MMP26: variants seen among roughly 807,000 people sequenced by gnomAD.
The protein encoded by MMP26 is matrix metallopeptidase 26, also known as matrix metalloproteinase-26.
A neutral mutation model predicts 31.0 loss-of-function variants in MMP26; 33 were observed. The observed-to-expected ratio is 1.06, with a 90% confidence interval of 0.81 to 1.42. The LOEUF is 1.42. Ranked by LOEUF, MMP26 falls within the 40% of genes most tolerant of loss-of-function variation. The pLI is 0.00. For synonymous variants in MMP26, 122 were observed against 114.9 expected, an observed-to-expected ratio of 1.06 and a Z score of -0.40; for missense variants, 347 against 316.1, an observed-to-expected ratio of 1.10 and a Z score of -0.74.
chr11:4,980,821 G>C (rs1846802879), intron 2 of MMP26, among the ~76,000 whole-genome samples: 1 of 151,972 alleles, frequency 6.6e-6, no homozygotes, highest in Admixed American at 6.6e-5. Flanking sequence ...CCTAAGTGAA[G>C]GGTGAAGAAA....
At chr11:4,758,466 G>GAAAAAAAAAAA (rs376347621) in intron 1 of MMP26, among the ~76,000 whole-genome samples, 2 of 93,344 alleles carry the variant, frequency 2.1e-5, no homozygotes, top group Non-Finnish European at 4.6e-5. Flanking sequence ...CATCCATTTG[G>GAAAAAAAAAAA]AAAAAAAAAA....
intron 2 of MMP26, among the ~76,000 whole-genome samples, chr11:4,857,809 C>A (rs1010350017): frequency 6.6e-6 from 1 of 152,106 alleles, no homozygotes; most frequent in African/African-American, 2.4e-5. Flanking sequence ...TGATGAACAT[C>A]AATGCAAAAA....
intron 1 of MMP26, among the ~76,000 whole-genome samples, chr11:4,732,541 CAAA>C (rs56079183): frequency 2.1e-5 from 2 of 94,672 alleles, no homozygotes; most frequent in Admixed American, 1.1e-4. Flanking sequence ...AGACTCGTCT[CAAA>C]AAAAAAAAAA....
At chr11:4,921,708 T>G (rs904087414) in intron 2 of MMP26, among the ~76,000 whole-genome samples, 1 of 152,244 alleles carries the variant, frequency 6.6e-6, no homozygotes, top group African/African-American at 2.4e-5. Flanking sequence ...TATGTATTCA[T>G]GATCATATGC....
At chr11:4,745,704 G>A (rs1300087832) in intron 1 of MMP26, among the ~76,000 whole-genome samples, 1 of 152,136 alleles carries the variant, frequency 6.6e-6, no homozygotes, top group Non-Finnish European at 1.5e-5. Context: ...ACCTTCCATT[G>A]TAGTGTCATG....
intron 2 of MMP26, among the ~76,000 whole-genome samples, chr11:4,808,659 C>A (rs1849309868): frequency 6.6e-6 from 1 of 151,986 alleles, no homozygotes; most frequent in Admixed American, 6.6e-5. Flanking sequence ...ACTTCTGACT[C>A]CCCAGTAGGC....
At chr11:4,773,939 C>T (rs546281795) in intron 2 of MMP26, among the ~76,000 whole-genome samples, 1 of 152,142 alleles carries the variant, frequency 6.6e-6, no homozygotes. Flanking sequence ...GTCTTCCAGC[C>T]TCATCCATGT....
At chr11:4,846,677 T>C (rs182383254) in intron 2 of MMP26, among the ~76,000 whole-genome samples, 168 of 152,276 alleles carry the variant, frequency 1.1e-3, no homozygotes, top group African/African-American at 3.9e-3. Context: ...CATAAATATA[T>C]AAACCTACTG....
At chr11:4,898,384 ATGTG>A (rs1850745223) in intron 2 of MMP26, among the ~76,000 whole-genome samples, 1 of 151,556 alleles carries the variant, frequency 6.6e-6, no homozygotes, top group Non-Finnish European at 1.5e-5. Flanking sequence ...TAATGTGTCT[ATGTG>A]TTAATTTCTT....
rs192786747 is a variant in MMP26 at position 4,914,953 on chromosome 11, A to G, written c.-144-73115A>G. 3.3e-5 allele frequency: 53 copies of G among 1,614,132 alleles called. 1 individual carries two copies. In the South Asian group the frequency reaches 4.3e-4, roughly 13 times the overall value. On this transcript the variant is annotated intron_variant, in intron 2 of 7. Coordinates refer to ENST00000380390, the MANE Select transcript of MMP26 (RefSeq NM_021801.5). Reference sequence around the variant, plus strand: ...AGGTGTTAAGGGCCTTGAATCTCTCAGCCCTGGAGGCGATGGACAGCACGG... The same window carrying G: ...AGGTGTTAAGGGCCTTGAATCTCTCGGCCCTGGAGGCGATGGACAGCACGG...
intron 2 of MMP26, among the ~76,000 whole-genome samples, chr11:4,894,115 T>C (rs1850668446): frequency 6.6e-6 from 1 of 152,070 alleles, no homozygotes; most frequent in African/African-American, 2.4e-5. Flanking sequence ...AATGCTAAGG[T>C]GTAGGGAAAG....
At position 4,710,473 on chromosome 11, in the gene MMP26, G is replaced by A. The variant is rs200567148; in HGVS notation, c.-217+5428G>A. 2.8e-4 allele frequency: 125 copies of A among 444,596 alleles called. 1 individual carries two copies. Among genetic ancestry groups the A allele is most frequent in the South Asian group, 1.6e-3 (104 of 63,590 alleles). 27.5% of individuals were successfully genotyped at this position (444,596 alleles called of 1,614,324 possible). A position where few individuals can be genotyped will look rare whatever the true frequency, so the allele number is the denominator to read the frequency against. ...TACAGTGTAAAGACCAAGTAAATTC[G>A]CAAGGCTGTGCTCAAAGCATTTCTT... On this transcript the variant is annotated intron_variant, in intron 1 of 7. Coordinates refer to ENST00000380390, the MANE Select transcript of MMP26 (RefSeq NM_021801.5).
At chr11:4,922,620 C>T (rs977014312) in intron 2 of MMP26, among the ~76,000 whole-genome samples, 4 of 152,244 alleles carry the variant, frequency 2.6e-5, no homozygotes, top group African/African-American at 7.2e-5. Flanking sequence ...ATGAGAGAAA[C>T]GTCTTACAAA....
chr11:4,756,549 G>A (rs1054869407), intron 1 of MMP26: 3 of 151,810 alleles, frequency 2.0e-5, no homozygotes, highest in Admixed American at 1.3e-4. Flanking sequence ...TGGAAATTAA[G>A]CCGGTTTTAC....
At chr11:4,957,960 C>T (rs775404609) in intron 2 of MMP26, among the ~76,000 whole-genome samples, 4 of 152,210 alleles carry the variant, frequency 2.6e-5, no homozygotes, top group African/African-American at 7.2e-5. Context: ...TCCTTAGAAG[C>T]TTCAGAGGCT....
chr11:4,917,657 C>T (rs1030596009), intron 2 of MMP26, among the ~76,000 whole-genome samples: 5 of 152,154 alleles, frequency 3.3e-5, no homozygotes, highest in Admixed American at 1.3e-4. Context: ...TACCACATTA[C>T]ATATCAAAGT....
chr11:4,915,804 G>T (rs1424765452), intron 2 of MMP26: 4 of 562,358 alleles, frequency 7.1e-6, no homozygotes, highest in Non-Finnish European at 9.3e-6. Flanking sequence ...TCTTTCTAGT[G>T]GTTATGTCTT....
chr11:4,835,206 A>G (rs1589915268), intron 2 of MMP26, among the ~76,000 whole-genome samples: 1 of 146,632 alleles, frequency 6.8e-6, no homozygotes, highest in Admixed American at 6.8e-5. Flanking sequence ...TCTTTCTGAC[A>G]CACACACACA....
intron 1 of MMP26, among the ~76,000 whole-genome samples, chr11:4,724,711 C>T (rs1392047061): frequency 2.6e-5 from 4 of 152,150 alleles, no homozygotes; most frequent in Non-Finnish European, 5.9e-5. Flanking sequence ...TCCAATAGAA[C>T]AACTTCGTTT....
Sources: allele counts gnomAD v4.1 joint callset (sites outside exome capture counted in the v4.1 genomes callset), GRCh38; gene constraint gnomAD v4.1.1; transcripts MANE v1.5; gene names NCBI Gene and HGNC (gene_info 2026-07-23, HGNC 2026-07-21).